Variants in SDAD1 observed in about 807,000 individuals in gnomAD.
SDAD1 encodes the protein protein SDA1 homolog.
A neutral mutation model predicts 100.3 loss-of-function variants in SDAD1; 79 were observed. That is an observed-to-expected ratio of 0.79 (90% CI 0.66 to 0.95). The LOEUF is 0.95. Ranked by LOEUF, SDAD1 falls within the 40% of genes least tolerant of loss-of-function variation. The probability of loss-of-function intolerance (pLI) is 0.00; values close to 1 mark genes in which losing one functional copy is unlikely to be tolerated. For synonymous variants in SDAD1, 267 were observed against 271.4 expected, an observed-to-expected ratio of 0.98 and a Z score of 0.16; for missense variants, 790 against 810.9, an observed-to-expected ratio of 0.97 and a Z score of 0.31.
rs529066281 is a variant in SDAD1 at position 75,962,305 on chromosome 4, A to C, written c.1182-997T>G. Among the ~76,000 whole-genome samples the C allele has an allele frequency of 2.6e-5, 4 of 152,288 alleles. No homozygotes were observed. The South Asian group carries it at 6.2e-4, about 24-fold the overall frequency. Reference sequence around the variant, plus strand: ...TCTTAATCCAGTCTATCATTGTTGGACATTTGGGTTGGTTCCAAGTCTTTG... The same window carrying C: ...TCTTAATCCAGTCTATCATTGTTGGCCATTTGGGTTGGTTCCAAGTCTTTG... On this transcript the variant is annotated intron_variant, in intron 14 of 21. Coordinates refer to ENST00000356260, the MANE Select transcript of SDAD1 (RefSeq NM_018115.4).
rs918468474 is a variant in SDAD1, at chr4:75,969,456, A to T, written c.884-57T>A. 7 of 1,157,004 alleles carry T rather than the reference A, an allele frequency of 6.1e-6. No homozygotes were observed. In the South Asian group the frequency reaches 9.0e-5, roughly 15 times the overall value. 71.7% of individuals were successfully genotyped at this position (1,157,004 alleles called of 1,614,324 possible). Reference sequence around the variant, plus strand: ...TGAGTCTATGGTCTATGTGACATTTATGTAACAGGCGTAGGAAAAGACAAT... The same window carrying T: ...TGAGTCTATGGTCTATGTGACATTTTTGTAACAGGCGTAGGAAAAGACAAT... On this transcript the variant is annotated intron_variant, in intron 10 of 21. Transcript: ENST00000356260.
intron 21 of SDAD1, among the ~76,000 whole-genome samples, chr4:75,954,726 G>A (rs1182911031): frequency 6.6e-6 from 1 of 152,326 alleles, no homozygotes; most frequent in East Asian, 1.9e-4. Context: ...AACAGCACAT[G>A]ATGTGCTTCC....
intron 6 of SDAD1, among the ~76,000 whole-genome samples, chr4:75,975,134 G>T (rs1730087135): frequency 6.6e-6 from 1 of 151,718 alleles, no homozygotes; most frequent in African/African-American, 2.4e-5. Flanking sequence ...AAACAAAAAA[G>T]ACTGGGTGGA....
intron 18 of SDAD1, 35 bp from the exon 19 acceptor site, chr4:75,957,743 C>A (rs370947626): frequency 6.2e-7 from 1 of 1,613,326 alleles, no homozygotes; most frequent in South Asian, 1.1e-5. Context: ...TGGCTACCAG[C>A]TCAAGTGAGA....
intron 7 of SDAD1, 100 bp downstream of exon 7, chr4:75,973,976 T>C: frequency 1.1e-6 from 1 of 912,582 alleles, no homozygotes; most frequent in South Asian, 1.4e-5. Context: ...ATGCCTGGTG[T>C]GCAGGCATGC....
chr4:75,974,543 C>T (rs964850642), intron 6 of SDAD1, among the ~76,000 whole-genome samples: 3 of 151,854 alleles, frequency 2.0e-5, no homozygotes, highest in African/African-American at 4.8e-5. Flanking sequence ...TAGTGAAACC[C>T]CATCTCTACA....
At chr4:75,976,019 A>G (rs1730140856) in intron 4 of SDAD1, 24 bp from the exon 5 acceptor site, 1 of 1,462,360 alleles carries the variant, frequency 6.8e-7, no homozygotes, top group African/African-American at 1.4e-5. Context: ...ACAAAAATAT[A>G]TACATTAAAC....
At chr4:75,956,672 C>T (rs1728914590) in intron 20 of SDAD1, among the ~76,000 whole-genome samples, 1 of 152,182 alleles carries the variant, frequency 6.6e-6, no homozygotes, top group Non-Finnish European at 1.5e-5. Context: ...TGGCTTTTCA[C>T]TGGTGACTGT....
intron 1 of SDAD1, among the ~76,000 whole-genome samples, chr4:75,986,511 T>C (rs1730903937): frequency 6.6e-6 from 1 of 152,190 alleles, no homozygotes. Context: ...GCCCATATAC[T>C]TTACCTTCTC....
chr4:75,980,576 A>C (rs1475758776), intron 3 of SDAD1, among the ~76,000 whole-genome samples: 1 of 145,976 alleles, frequency 6.9e-6, no homozygotes, highest in Non-Finnish European at 1.5e-5. Flanking sequence ...CTCAGAAAGG[A>C]AGTGAAGGAA....
At chr4:75,984,149 ATC>A (rs1375250931) in intron 1 of SDAD1, among the ~76,000 whole-genome samples, 1 of 145,268 alleles carries the variant, frequency 6.9e-6, no homozygotes, top group Non-Finnish European at 1.5e-5. Context: ...TGGTCTATGT[ATC>A]TGTTTTGGTA....
rs769728643 is a variant in SDAD1 at position 75,957,946 on chromosome 4, G to A, written c.1484-5C>T. The A allele has an allele frequency of 1.7e-4, 275 of 1,611,510 alleles. No homozygotes were observed. Among genetic ancestry groups the A allele is most frequent in the Non-Finnish European group, 2.2e-4 (259 of 1,179,502 alleles). On this transcript the variant is annotated splice_polypyrimidine_tract_variant and splice_region_variant and intron_variant, in intron 17 of 21. Transcript: ENST00000356260. ...GACTGGTACTTTCCCATCCATCTGC[G>A]TGAAAAAAGCAAACCCACTACTGCC...
intron 1 of SDAD1, among the ~76,000 whole-genome samples, chr4:75,987,305 C>A (rs1730959916): frequency 6.6e-6 from 1 of 152,214 alleles, no homozygotes; most frequent in South Asian, 2.1e-4. Flanking sequence ...TTACCCTCAG[C>A]TCTGGCAAAC....
chr4:75,977,564 T>A, intron 4 of SDAD1, 82 bp downstream of exon 4: 1 of 865,032 alleles, frequency 1.2e-6, no homozygotes, highest in South Asian at 1.4e-5. Context: ...ATTAACAATG[T>A]AAAGCATCGA....
intron 14 of SDAD1, among the ~76,000 whole-genome samples, chr4:75,961,768 C>T (rs1236526550): frequency 1.3e-5 from 2 of 152,066 alleles, no homozygotes; most frequent in African/African-American, 4.8e-5. Context: ...ACTAAATTGC[C>T]CTAGGAAAAA....
Position 75,977,870 on chromosome 4 carries a change from G to C in SDAD1, c.295-114C>G, listed in dbSNP as rs972758139. The C allele has an allele frequency of 9.3e-6, 6 of 642,226 alleles. No homozygotes were observed. In the Admixed American group the frequency reaches 1.7e-4, roughly 19 times the overall value. 39.8% of individuals were successfully genotyped at this position (642,226 alleles called of 1,614,324 possible). A position where few individuals can be genotyped will look rare whatever the true frequency, so the allele number is the denominator to read the frequency against. On this transcript the variant is annotated intron_variant, in intron 3 of 21. Transcript: ENST00000356260. ...TTTTACTAACTAGACACTATTGTAG[G>C]ATTCAGAATAGTCAGTCTCTGCCTT...
intron 1 of SDAD1, among the ~76,000 whole-genome samples, chr4:75,990,013 TG>T (rs1190738243): frequency 6.6e-6 from 1 of 152,216 alleles, no homozygotes; most frequent in African/African-American, 2.4e-5. Flanking sequence ...GTCTGATAAA[TG>T]AGTGTCTGAA....
intron 6 of SDAD1, among the ~76,000 whole-genome samples, chr4:75,975,081 C>G (rs1426888186): frequency 6.6e-6 from 1 of 151,628 alleles, no homozygotes; most frequent in African/African-American, 2.4e-5. Flanking sequence ...AAAATAAAAA[C>G]TGTAATACAG....
In SDAD1 at chr4:75,955,045, A is replaced by G. The variant is rs77459039; in HGVS notation, c.2016+930T>C. On this transcript the variant is annotated intron_variant, in intron 21 of 21. Coordinates refer to ENST00000356260, the MANE Select transcript of SDAD1 (RefSeq NM_018115.4). ...ATTGTTTACAACCAGTTTTTGCTGC[A>G]ACTGTTACTGCTGATTAATATCTTG... Among the ~76,000 whole-genome samples, 252 of 152,262 alleles carry G rather than the reference A, an allele frequency of 1.7e-3. 1 individual carries two copies. The highest frequency in any genetic ancestry group is 5.6e-3 in the African/African-American group (233 of 41,550).
Sources: gnomAD v4.1 joint callset for allele counts (sites outside exome capture counted in the v4.1 genomes callset) on GRCh38, gnomAD v4.1.1 for gene constraint, MANE v1.5 for transcripts, NCBI Gene and HGNC (gene_info 2026-07-23, HGNC 2026-07-21) for gene names.